TRDN: variants seen among roughly 807,000 people sequenced by gnomAD.
The protein encoded by TRDN is triadin in skeletal muscle.
In TRDN, 161 loss-of-function variants were observed where a neutral mutation model predicts 149.7. The observed-to-expected ratio is 1.08, with a 90% CI of 0.95 to 1.23. The LOEUF (loss-of-function observed/expected upper bound fraction) is 1.23, where lower values mean the gene tolerates loss of function less well. TRDN is among the 50% of genes most tolerant of loss of function. TRDN has a pLI of 0.00. For missense variants in TRDN, 896 were observed against 823.5 expected (o/e 1.09, Z -1.08); for synonymous variants, 294 against 250.5 (o/e 1.17, Z -1.64).
intron 38 of TRDN, among the ~76,000 whole-genome samples, chr6:123,250,438 A>T (rs1054497199): frequency 2.6e-5 from 4 of 152,136 alleles, no homozygotes; most frequent in African/African-American, 9.7e-5. Context: ...CTGTAAAAGG[A>T]TTCGGAAAAA....
chr6:123,487,322 C>A (rs1036995482), intron 9 of TRDN, among the ~76,000 whole-genome samples: 1 of 152,034 alleles, frequency 6.6e-6, no homozygotes, highest in Non-Finnish European at 1.5e-5. Flanking sequence ...TAAGTATCCA[C>A]CACATATGTG....
intron 24 of TRDN, among the ~76,000 whole-genome samples, chr6:123,296,525 T>A (rs1257168690): frequency 6.6e-6 from 1 of 152,044 alleles, no homozygotes; most frequent in African/African-American, 2.4e-5. Flanking sequence ...TTCATGAAAC[T>A]TTTAATTATC....
At chr6:123,518,576 G>A (rs1035401449) in intron 5 of TRDN, among the ~76,000 whole-genome samples, 15 of 152,222 alleles carry the variant, frequency 9.9e-5, no homozygotes, top group African/African-American at 2.9e-4. Context: ...TCAGATTGAC[G>A]TGTGCAAAGG....
intron 1 of TRDN, among the ~76,000 whole-genome samples, chr6:123,580,243 A>G (rs2114575069): frequency 6.6e-6 from 1 of 152,262 alleles, no homozygotes; most frequent in Admixed American, 6.5e-5. Context: ...GCAGGTCCTC[A>G]CCATTCAGAA....
intron 21 of TRDN, among the ~76,000 whole-genome samples, chr6:123,345,014 T>C (rs1441562536): frequency 6.6e-6 from 1 of 152,044 alleles, no homozygotes; most frequent in Non-Finnish European, 1.5e-5. Context: ...GTTGAACATC[T>C]TTTCATATGC....
chr6:123,271,061 GTGTC>G, intron 30 of TRDN, 74 bp downstream of exon 30: 2 of 771,984 alleles, frequency 2.6e-6, no homozygotes, highest in Non-Finnish European at 4.0e-6. Context: ...GTGTGTGTGT[GTGTC>G]TGCATGCACA....
intron 12 of TRDN, among the ~76,000 whole-genome samples, chr6:123,432,628 G>A (rs62419024): frequency 0.14 from 21,680 of 150,678 alleles, 1,818 homozygotes; most frequent in South Asian, 0.31. Context: ...TCCTACAGCC[G>A]TAATCCTTCC....
intron 1 of TRDN, among the ~76,000 whole-genome samples, chr6:123,624,643 C>T (rs1486537140): frequency 6.6e-6 from 1 of 152,142 alleles, no homozygotes; most frequent in Admixed American, 6.6e-5. Flanking sequence ...AACAACTCTG[C>T]CAACAGATTT....
intron 1 of TRDN, among the ~76,000 whole-genome samples, chr6:123,598,964 C>T (rs751246875): frequency 6.6e-6 from 1 of 152,008 alleles, no homozygotes; most frequent in Non-Finnish European, 1.5e-5. Context: ...TGGGACAGTG[C>T]TGGGTTTGAA....
In TRDN at chr6:123,490,116, G is replaced by T. The variant is rs1011930043; in HGVS notation, c.853+7077C>A. 2.0e-5 allele frequency among the ~76,000 whole-genome samples: 3 copies of T among 152,236 alleles called. No individual in the cohort carries two copies. The East Asian group carries it at 5.8e-4, about 29-fold the overall frequency. ...TTATACAAGTGAAATCTCAGACTAT[G>T]AGTCTTCATAAGACAATGAATTTTC... On this transcript the variant is annotated intron_variant, in intron 9 of 40. Transcript: ENST00000334268.
intron 12 of TRDN, among the ~76,000 whole-genome samples, chr6:123,399,980 T>C (rs1373674421): frequency 6.6e-6 from 1 of 152,006 alleles, no homozygotes; most frequent in South Asian, 2.1e-4. Context: ...GAATTTCAAG[T>C]AGAAATTTGA....
intron 18 of TRDN, among the ~76,000 whole-genome samples, chr6:123,377,348 A>G (rs1364852892): frequency 6.6e-6 from 1 of 152,184 alleles, no homozygotes; most frequent in African/African-American, 2.4e-5. Context: ...TTGCTTTTAC[A>G]CTAAACTGTG....
intron 4 of TRDN, among the ~76,000 whole-genome samples, chr6:123,547,020 T>C (rs1781146083): frequency 6.6e-6 from 1 of 152,052 alleles, no homozygotes; most frequent in Non-Finnish European, 1.5e-5. Context: ...TGAGAATAAA[T>C]CATGGGTGTC....
chr6:123,405,224 G>T (rs1444650660), intron 12 of TRDN, among the ~76,000 whole-genome samples: 1 of 152,176 alleles, frequency 6.6e-6, no homozygotes, highest in East Asian at 1.9e-4. Flanking sequence ...AAATGCTGGA[G>T]CAATGTGCAT....
At chr6:123,238,203 G>A (rs1775857601) in intron 38 of TRDN, among the ~76,000 whole-genome samples, 1 of 152,146 alleles carries the variant, frequency 6.6e-6, no homozygotes, top group African/African-American at 2.4e-5. Flanking sequence ...CAAAAGAAAT[G>A]GTAAACTATT....
At chr6:123,260,422 G>C (rs1776721912) in intron 34 of TRDN, among the ~76,000 whole-genome samples, 190 bp downstream of exon 34, 1 of 151,942 alleles carries the variant, frequency 6.6e-6, no homozygotes, top group Non-Finnish European at 1.5e-5. Flanking sequence ...TATGCGGTAA[G>C]AATGGACACA....
Position 123,282,874 on chromosome 6 carries a change from A to G in TRDN, c.1511-3792T>C, listed in dbSNP as rs1304191470. Among the ~76,000 whole-genome samples the G allele has an allele frequency of 2.0e-5, 3 of 151,936 alleles. No homozygotes were observed. In the Admixed American group the frequency reaches 2.0e-4, roughly 10 times the overall value. ...ATTATTTGGGGCATATAACACATAT[A>G]AAGATCTTCACTGGAAAAACTTTTA... On this transcript the variant is annotated intron_variant, in intron 24 of 40. Coordinates refer to ENST00000334268, the MANE Select transcript of TRDN (RefSeq NM_006073.4).
chr6:123,595,487 TTAAAAGCATACAAG>T (rs907173696), intron 1 of TRDN, among the ~76,000 whole-genome samples: 6 of 152,188 alleles, frequency 3.9e-5, no homozygotes, highest in Middle Eastern at 3.4e-3. Flanking sequence ...AAGTGAGAAA[TTAAAAGCATACAAG>T]TAAAGGCATA....
In TRDN at chr6:123,633,070, C is replaced by T. The variant is rs151248462; in HGVS notation, c.22+3684G>A. Among the ~76,000 whole-genome samples, 146 of 152,130 alleles carry T rather than the reference C, an allele frequency of 9.6e-4. 2 individuals carry two copies. The highest frequency in any genetic ancestry group is 3.3e-3 in the African/African-American group (137 of 41,528). On this transcript the variant is annotated intron_variant, in intron 1 of 40. Transcript: ENST00000334268. ...AGTGCAATAATTCTTCTCCTGAAGC[C>T]TGAGGTTATGTAATAGTTTATAAGT...
Sources: gnomAD v4.1 joint callset for allele counts (sites outside exome capture counted in the v4.1 genomes callset) on GRCh38, gnomAD v4.1.1 for gene constraint, MANE v1.5 for transcripts, NCBI Gene and HGNC (gene_info 2026-07-23, HGNC 2026-07-21) for gene names.